The following ROS1 variants were observed in gnomAD, a reference collection of about 807,000 sequenced individuals.
ROS1 encodes ROS proto-oncogene 1, receptor tyrosine kinase, also known as proto-oncogene tyrosine-protein kinase ROS.
ROS1 carries 263 observed loss-of-function variants against 273.5 expected under a neutral mutation model. That is an observed-to-expected ratio of 0.96 (90% confidence interval 0.87 to 1.06). ROS1 has a LOEUF of 1.06. Among genes scored for constraint, ROS1 ranks in the 50% least tolerant of loss-of-function variants. ROS1 has a pLI of 0.00. For synonymous variants in ROS1, 1,008 were observed against 954.1 expected (o/e 1.06, Z -1.04); for missense variants, 2,833 against 2,751.1 (o/e 1.03, Z -0.67).
At chr6:117,304,074 C>T (rs1008514836) in intron 42 of ROS1, among the ~76,000 whole-genome samples, 2 of 152,156 alleles carry the variant, frequency 1.3e-5, no homozygotes, top group Non-Finnish European at 2.9e-5. Flanking sequence ...GATCTGATGA[C>T]TTCACATGTA....
intron 33 of ROS1, 118 bp downstream of exon 33, chr6:117,329,211 A>T (rs2128592603): frequency 1.5e-6 from 1 of 645,282 alleles, no homozygotes; most frequent in South Asian, 2.1e-5. Flanking sequence ...GAGTCCTTTA[A>T]CTAAAGATCT....
At chr6:117,359,039 T>C (rs1352137903) in intron 24 of ROS1, among the ~76,000 whole-genome samples, 2 of 152,202 alleles carry the variant, frequency 1.3e-5, no homozygotes, top group African/African-American at 4.8e-5. Context: ...AGGCCCATTA[T>C]GCTCAGGCTC....
intron 7 of ROS1, among the ~76,000 whole-genome samples, chr6:117,398,693 A>AAAAAAC (rs1554252569): frequency 7.1e-6 from 1 of 141,094 alleles, no homozygotes; most frequent in Non-Finnish European, 1.6e-5. Flanking sequence ...AAAAAAAAAA[A>AAAAAAC]AAAACTCGCG....
Position 117,425,812 on chromosome 6 carries a change from T to C in ROS1, c.-156A>G. ...AGGATATACTTGCCTTTTGAAATAA[T>C]ACTTAGCCTTTTTCATTTAGACCTT... On this transcript the variant is annotated 5_prime_UTR_variant, in exon 1 of 44. Coordinates refer to ENST00000368507, the MANE Select transcript of ROS1 (RefSeq NM_001378902.1). 1 of 721,002 alleles carries C rather than the reference T, an allele frequency of 1.4e-6. No homozygotes were observed. The highest frequency in any genetic ancestry group is 2.3e-6 in the Non-Finnish European group (1 of 440,634). 44.7% of individuals were successfully genotyped at this position (721,002 alleles called of 1,614,324 possible). A position where few individuals can be genotyped will look rare whatever the true frequency, so the allele number is the denominator to read the frequency against.
At chr6:117,346,530 A>ATG (rs996423888) in intron 27 of ROS1, among the ~76,000 whole-genome samples, 4 of 151,010 alleles carry the variant, frequency 2.6e-5, no homozygotes, top group African/African-American at 9.7e-5. Context: ...GGAGGAGGAT[A>ATG]TGTGTGTGTG....
At position 117,419,306 on chromosome 6, in the gene ROS1, C is replaced by T. The variant is rs975268427; in HGVS notation, c.124-800G>A. ...AAATCCATTAATTCAAAGTGGTTTC[C>T]CATGTAAGGATGCTCCAAAAGTCCC... On this transcript the variant is annotated intron_variant, in intron 1 of 43. Transcript: ENST00000368507. Among the ~76,000 whole-genome samples, 63 of 152,106 alleles carry T rather than the reference C, an allele frequency of 4.1e-4. 3 individuals are homozygous for T. Among genetic ancestry groups the T allele is most frequent in the East Asian group, 3.9e-4 (2 of 5,188 alleles).
In ROS1 at chr6:117,387,905, C is replaced by G. The variant is rs1224165751; in HGVS notation, c.1874G>C (p.Ser625Thr). ...CTCAGGTACATTCAGCATGGTTCCA[C>G]TTATGTTCAAGAAAATATGAGTGAC... ...PEVTHIFLNI[S>T]GTMLNVPELQ... is the part of the protein sequence containing the mutation. The change falls in exon 14 of 44, where the codon AGT becomes ACT. Residue 625 changes from serine to threonine, a missense_variant. Ser to Thr is a moderately conservative substitution (Grantham distance 58, BLOSUM62 1). Coordinates refer to ENST00000368507, the MANE Select transcript of ROS1 (RefSeq NM_001378902.1). 2 of 1,614,192 alleles carry G rather than the reference C, an allele frequency of 1.2e-6. No individual in the cohort carries two copies. Among genetic ancestry groups the G allele is most frequent in the South Asian group, 1.1e-5 (1 of 91,086 alleles).
Position 117,324,322 on chromosome 6 carries a change from T to C in ROS1, c.5623+10A>G. The stretch of plus-strand genomic sequence containing the variant: ...TTTGTTGCCTATTTTAAAAATTCTA[T>C]TATACTTACCAAAGGTCAGTGGGAT... On this transcript the variant is annotated intron_variant, in intron 35 of 43. Transcript: ENST00000368507. The C allele has an allele frequency of 3.0e-6, 4 of 1,331,816 alleles. No individual in the cohort carries two copies. The highest frequency in any genetic ancestry group is 4.3e-6 in the Non-Finnish European group (4 of 936,466). 82.5% of individuals were successfully genotyped at this position (1,331,816 alleles called of 1,614,324 possible).
intron 12 of ROS1, among the ~76,000 whole-genome samples, chr6:117,392,226 G>C (rs1773125174): frequency 6.6e-6 from 1 of 152,102 alleles, no homozygotes; most frequent in Non-Finnish European, 1.5e-5. Context: ...TTCAAACCTA[G>C]AAGTTAAAAT....
At position 117,343,952 on chromosome 6, in the gene ROS1, G is replaced by C. The variant is rs76141666; in HGVS notation, c.4506+108C>G. On this transcript the variant is annotated intron_variant, in intron 28 of 43. Coordinates refer to ENST00000368507, the MANE Select transcript of ROS1 (RefSeq NM_001378902.1). ...GAATCATTAGCTGTAAAAAAGTTGC[G>C]TACTAGTCCATTTCAGAACATATAG... The C allele has an allele frequency of 1.0e-5, 9 of 873,102 alleles. No homozygotes were observed. In the East Asian group the frequency reaches 2.1e-4, roughly 20 times the overall value. 54.1% of individuals were successfully genotyped at this position (873,102 alleles called of 1,614,324 possible).
chr6:117,390,679 T>A (rs372662544), intron 12 of ROS1, among the ~76,000 whole-genome samples: 4 of 152,194 alleles, frequency 2.6e-5, no homozygotes, highest in African/African-American at 7.2e-5. Flanking sequence ...TAATTTTTTT[T>A]AATCTACAAT....
At chr6:117,414,013 GGAGA>G (rs1263188753) in intron 4 of ROS1, among the ~76,000 whole-genome samples, 1 of 123,194 alleles carries the variant, frequency 8.1e-6, no homozygotes, top group Non-Finnish European at 1.6e-5. Context: ...AGAAAGAGAG[GGAGA>G]AAGAGAGGAA....
At chr6:117,387,396 G>T (rs747702009) in intron 14 of ROS1, among the ~76,000 whole-genome samples, 3 of 152,078 alleles carry the variant, frequency 2.0e-5, no homozygotes, top group Non-Finnish European at 4.4e-5. Context: ...TTTCTTTTCA[G>T]CCAAGAGGAT....
chr6:117,297,188 C>T (rs1289144753), intron 43 of ROS1, among the ~76,000 whole-genome samples: 1 of 152,076 alleles, frequency 6.6e-6, no homozygotes, highest in East Asian at 1.9e-4. Context: ...AAACTGGACC[C>T]TTACCCTCAC....
intron 33 of ROS1, among the ~76,000 whole-genome samples, chr6:117,327,389 G>C (rs144089455): frequency 1.1e-3 from 163 of 152,218 alleles, no homozygotes; most frequent in African/African-American, 3.8e-3. Flanking sequence ...CTTTAGCATT[G>C]GCCATTTCAC....
At chr6:117,395,806 T>G in intron 9 of ROS1, among the ~76,000 whole-genome samples, 1 of 152,124 alleles carries the variant, frequency 6.6e-6, no homozygotes. Context: ...AAACAATGTC[T>G]GATATATATT....
At chr6:117,362,503 T>TACA in intron 22 of ROS1, 100 bp downstream of exon 22, 1 of 1,075,198 alleles carries the variant, frequency 9.3e-7, no homozygotes, top group African/African-American at 1.6e-5. Flanking sequence ...TCTAGGTATG[T>TACA]GTGCCATTTA....
chr6:117,297,737 G>T (rs1774358384), intron 43 of ROS1, among the ~76,000 whole-genome samples: 1 of 152,168 alleles, frequency 6.6e-6, no homozygotes, highest in South Asian at 2.1e-4. Flanking sequence ...TGGCGAGGAT[G>T]CAGACAAAGA....
At chr6:117,292,218 C>T (rs1279345634) in intron 43 of ROS1, among the ~76,000 whole-genome samples, 2 of 152,070 alleles carry the variant, frequency 1.3e-5, no homozygotes, top group African/African-American at 2.4e-5. Context: ...GATCTGCCCG[C>T]CTTGGCCTCC....
Sources: allele counts gnomAD v4.1 joint callset (sites outside exome capture counted in the v4.1 genomes callset), GRCh38; gene constraint gnomAD v4.1.1; transcripts MANE v1.5; gene names NCBI Gene and HGNC (gene_info 2026-07-23, HGNC 2026-07-21).